Variants in MEP1B observed in about 807,000 individuals in gnomAD.
The protein encoded by MEP1B is N-benzoyl-L-tyrosyl-P-amino-benzoic acid hydrolase subunit beta.
In MEP1B, 80 loss-of-function variants were observed where a neutral mutation model predicts 84.6. The ratio of observed to expected loss-of-function variants is 0.95; its 90% confidence interval spans 0.79 to 1.14. The LOEUF is 1.14. MEP1B is among the 50% of genes most tolerant of loss of function. The pLI is 0.00. For synonymous variants in MEP1B, 273 were observed against 288.1 expected (o/e 0.95, Z 0.53); for missense variants, 766 against 855.1 (o/e 0.90, Z 1.30).
At chr18:32,213,999 G>T (rs1241037558) in intron 11 of MEP1B, among the ~76,000 whole-genome samples, 1 of 152,166 alleles carries the variant, frequency 6.6e-6, no homozygotes, top group Non-Finnish European at 1.5e-5. Flanking sequence ...CAGGTCAAGT[G>T]TGGAAGCTGT....
At chr18:32,193,012 T>C (rs1476379911) in intron 4 of MEP1B, among the ~76,000 whole-genome samples, 195 bp downstream of exon 4, 2 of 152,154 alleles carry the variant, frequency 1.3e-5, no homozygotes, top group African/African-American at 4.8e-5. Context: ...CATCTTTCAT[T>C]ACTCATATTT....
chr18:32,215,212 C>A lies in MEP1B; in HGVS notation c.1710C>A (p.Ser570Arg). The A allele has an allele frequency of 6.2e-7, 1 of 1,609,524 alleles. No homozygotes were observed. Among genetic ancestry groups the A allele is most frequent in the Non-Finnish European group, 8.5e-7 (1 of 1,178,256 alleles). ...TTATAACCCACGAAAGGCTGAAAAG[C>A]AGAGATTTTATAAAAGGAGATGATG... ...SAFITHERLK[S>R]RDFIKGDDVY... The change falls in exon 12 of 15, where the codon AGC becomes AGA. Residue 570 changes from serine (S) to arginine (R), a missense_variant. Coordinates refer to ENST00000269202, the MANE Select transcript of MEP1B (RefSeq NM_005925.3).
chr18:32,217,246 A>AT (rs969783440), intron 13 of MEP1B, 129 bp downstream of exon 13: 5,992 of 1,036,288 alleles, frequency 5.8e-3, no homozygotes, highest in Middle Eastern at 8.4e-3. Context: ...CATTCATAGA[A>AT]TTTTTTTTTT....
chr18:32,206,312 T>C (rs1466166593), intron 7 of MEP1B, among the ~76,000 whole-genome samples: 1 of 152,182 alleles, frequency 6.6e-6, no homozygotes, highest in Non-Finnish European at 1.5e-5. Flanking sequence ...TAGAAAGTTA[T>C]CATTCCCAGG....
intron 9 of MEP1B, among the ~76,000 whole-genome samples, chr18:32,208,681 C>A (rs2241892): frequency 2.0e-5 from 3 of 152,200 alleles, no homozygotes; most frequent in African/African-American, 4.8e-5. Flanking sequence ...ATTATATGCT[C>A]CTGTTACAAA....
In MEP1B at chr18:32,220,211, A is replaced by G. The variant is rs775219213; in HGVS notation, c.2092-20A>G. Reference sequence around the variant, plus strand: ...TTTAAATTTAGAAATTAAATCATCAATTGTTCTTTCCCCTTTTAGCAGCAT... The same window carrying G: ...TTTAAATTTAGAAATTAAATCATCAGTTGTTCTTTCCCCTTTTAGCAGCAT... On this transcript the variant is annotated intron_variant, in intron 14 of 14. Coordinates refer to ENST00000269202, the MANE Select transcript of MEP1B (RefSeq NM_005925.3). 14 of 1,598,984 alleles carry G rather than the reference A, an allele frequency of 8.8e-6. No homozygotes were observed. In the South Asian group the frequency reaches 1.3e-4, roughly 15 times the overall value.
intron 10 of MEP1B, among the ~76,000 whole-genome samples, chr18:32,211,034 C>A (rs570933834): frequency 2.0e-5 from 3 of 152,086 alleles, no homozygotes; most frequent in African/African-American, 7.2e-5. Context: ...GAGGCCGAGG[C>A]GGTCGGATCA....
intron 12 of MEP1B, 42 bp downstream of exon 12, chr18:32,215,303 T>C (rs2041072157): frequency 7.8e-7 from 1 of 1,283,854 alleles, no homozygotes; most frequent in African/African-American, 1.5e-5. Flanking sequence ...AGTTTTTTTT[T>C]GTTGTGGCCA....
At chr18:32,207,931 A>C (rs531140945) in intron 8 of MEP1B, among the ~76,000 whole-genome samples, 188 bp from the exon 9 acceptor site, 2 of 152,240 alleles carry the variant, frequency 1.3e-5, no homozygotes, top group Non-Finnish European at 2.9e-5. Flanking sequence ...TCAGATCTAC[A>C]GAATTCATTA....
intron 9 of MEP1B, 127 bp from the exon 10 acceptor site, chr18:32,210,374 T>G: frequency 1.3e-6 from 1 of 760,394 alleles, no homozygotes; most frequent in Admixed American, 2.9e-5. Flanking sequence ...CTTCTGTCAT[T>G]TCTCCCTGGC....
At chr18:32,209,263 G>A (rs1031202974) in intron 9 of MEP1B, among the ~76,000 whole-genome samples, 15 of 152,296 alleles carry the variant, frequency 9.8e-5, no homozygotes, top group African/African-American at 3.6e-4. Flanking sequence ...AAGGTGGGCG[G>A]ATTACCTGAG....
At chr18:32,199,620 A>C (rs2040888670) in intron 5 of MEP1B, among the ~76,000 whole-genome samples, 1 of 151,952 alleles carries the variant, frequency 6.6e-6, no homozygotes, top group Non-Finnish European at 1.5e-5. Flanking sequence ...TTGATTAAAA[A>C]ATTTTTAAGT....
chr18:32,215,795 G>T (rs894391889), intron 12 of MEP1B, among the ~76,000 whole-genome samples: 1 of 152,112 alleles, frequency 6.6e-6, no homozygotes, highest in Non-Finnish European at 1.5e-5. Context: ...CTGCACTCCA[G>T]CCTGGGCCAA....
rs146716628 is a variant in MEP1B at position 32,213,512 on chromosome 18, G to T, written c.1532G>T (p.Arg511Leu). ...GATCAAAATCCTGACATTCGACAGC[G>T]TATGTCCAATCAGCGGAGTATAACT... ...LLDQNPDIRQRMSNQRSITTD... is the reference protein window; with the variant it reads ...LLDQNPDIRQLMSNQRSITTD... The change falls in exon 11 of 15, where the codon CGT becomes CTT. Residue 511 changes from arginine to leucine, a missense_variant. Coordinates refer to ENST00000269202, the MANE Select transcript of MEP1B (RefSeq NM_005925.3). 5.6e-6 allele frequency: 9 copies of T among 1,613,868 alleles called. No homozygotes were observed. In the East Asian group the frequency reaches 2.0e-4, roughly 36 times the overall value.
intron 7 of MEP1B, among the ~76,000 whole-genome samples, chr18:32,205,028 G>T (rs1414808766): frequency 6.6e-6 from 1 of 152,056 alleles, no homozygotes; most frequent in Non-Finnish European, 1.5e-5. Flanking sequence ...GCTTTTGGGG[G>T]GACATATTCA....
intron 5 of MEP1B, among the ~76,000 whole-genome samples, chr18:32,197,308 C>T (rs28450768): frequency 0.046 from 6,978 of 152,180 alleles, 508 homozygotes; most frequent in African/African-American, 0.16. Context: ...GGCAATGATG[C>T]CACTGACCAG....
At chr18:32,206,752 T>C (rs1389261009) in intron 7 of MEP1B, among the ~76,000 whole-genome samples, 1 of 152,078 alleles carries the variant, frequency 6.6e-6, no homozygotes, top group Non-Finnish European at 1.5e-5. Context: ...GCTGGGATTA[T>C]AGGTGCGCAC....
At chr18:32,190,233 C>A in intron 1 of MEP1B, 100 bp downstream of exon 1, 1 of 852,546 alleles carries the variant, frequency 1.2e-6, no homozygotes, top group Non-Finnish European at 1.9e-6. Flanking sequence ...TTTTATACAT[C>A]TTGAAATGTT....
Position 32,208,240 on chromosome 18 carries a change from G to T in MEP1B, c.888G>T (p.Glu296Asp). 6.2e-7 allele frequency: 1 copy of T among 1,613,884 alleles called. No homozygotes were observed. The highest frequency in any genetic ancestry group is 1.7e-5 in the Admixed American group (1 of 60,024). ...QRVSQVPRGP[E>D]SDHSNMGQCQ... ...TTTCACAGGTTCCCAGGGGGCCAGA[G>T]AGTGATCACTCCAACATGGGCCAGT... The change falls in exon 9 of 15, where the codon GAG becomes GAT. Residue 296 changes from glutamate to aspartate, a missense_variant. Glu to Asp is a conservative substitution (Grantham distance 45, BLOSUM62 2). Transcript: ENST00000269202.
Sources: allele counts gnomAD v4.1 joint callset (sites outside exome capture counted in the v4.1 genomes callset), GRCh38; gene constraint gnomAD v4.1.1; transcripts MANE v1.5; gene names NCBI Gene and HGNC (gene_info 2026-07-23, HGNC 2026-07-21).